PIEZO2: variants seen among roughly 807,000 people sequenced by gnomAD.
The protein encoded by PIEZO2 is piezo type mechanosensitive ion channel component 2, also known as piezo-type mechanosensitive ion channel component 2.
In PIEZO2, 172 loss-of-function variants were observed where a neutral mutation model predicts 337.3. That is an observed-to-expected ratio of 0.51 (90% CI 0.45 to 0.58). The LOEUF is 0.58. Among genes scored for constraint, PIEZO2 ranks in the 20% least tolerant of loss-of-function variants. The pLI, the probability that PIEZO2 is intolerant of heterozygous loss-of-function variation, is 0.00. For missense variants in PIEZO2, 3,028 were observed against 3,391.3 expected (o/e 0.89, Z 2.66); for synonymous variants, 1,251 against 1,228.5 (o/e 1.02, Z -0.38).
intron 3 of PIEZO2, among the ~76,000 whole-genome samples, chr18:10,970,739 G>A (rs1005917327): frequency 4.6e-5 from 7 of 151,550 alleles, no homozygotes; most frequent in African/African-American, 1.5e-4. Flanking sequence ...AGGAGAAAGA[G>A]GAAGGAAAGG....
At position 10,783,146 on chromosome 18, in the gene PIEZO2, G is replaced by T. The variant is rs1449334665; in HGVS notation, c.2492+1638C>A. On this transcript the variant is annotated intron_variant, in intron 17 of 55. Coordinates refer to ENST00000674853, the MANE Select transcript of PIEZO2 (RefSeq NM_001378183.1). This position sits in a 1 kb window ranked among gnomAD's most constrained non-coding sequence, Gnocchi z 4.3. The stretch of plus-strand genomic sequence containing the variant: ...GAAATGGCATTTGGAAGAAAAAAAA[G>T]ATTTTTTTTTAAAAAAGATTTCACT... 1.3e-5 allele frequency among the ~76,000 whole-genome samples: 2 copies of T among 151,812 alleles called. No homozygotes were observed. The highest frequency in any genetic ancestry group is 2.9e-5 in the Non-Finnish European group (2 of 67,878).
At chr18:11,082,104 G>C (rs2145989491) in intron 1 of PIEZO2, among the ~76,000 whole-genome samples, 1 of 152,106 alleles carries the variant, frequency 6.6e-6, no homozygotes, top group Non-Finnish European at 1.5e-5. Flanking sequence ...AAAATGGGGA[G>C]GAAAGTTTGA....
intron 2 of PIEZO2, among the ~76,000 whole-genome samples, chr18:11,060,140 C>T (rs1488771041): frequency 2.0e-5 from 3 of 152,168 alleles, no homozygotes; most frequent in African/African-American, 7.2e-5. Context: ...AACTGAACAA[C>T]CTGCTCCTGA....
Position 10,929,963 on chromosome 18 carries a change from G to T in PIEZO2, c.287-18735C>A, listed in dbSNP as rs914755927. ...CTCATTATACCCTCTTTCCTTTGGA[G>T]TTGAGGCACCACGGACCAGCATTAA... On this transcript the variant is annotated intron_variant, in intron 3 of 55. Coordinates refer to ENST00000674853, the MANE Select transcript of PIEZO2 (RefSeq NM_001378183.1). This position sits in a 1 kb window ranked among gnomAD's most constrained non-coding sequence, Gnocchi z 5.6. 2.0e-5 allele frequency among the ~76,000 whole-genome samples: 3 copies of T among 152,172 alleles called. No homozygotes were observed. Among genetic ancestry groups the T allele is most frequent in the Non-Finnish European group, 4.4e-5 (3 of 68,038 alleles).
chr18:10,829,448 G>A lies in PIEZO2; in HGVS notation c.918-22174C>T, dbSNP rs147843381. ...ATTCAAGATGGTACTGGAAGTCCCAGCTAGCTAATCAGATAAGAGGAAGAA... is the reference window on the plus strand; with the variant it reads ...ATTCAAGATGGTACTGGAAGTCCCAACTAGCTAATCAGATAAGAGGAAGAA... On this transcript the variant is annotated intron_variant, in intron 7 of 55. Coordinates refer to ENST00000674853, the MANE Select transcript of PIEZO2 (RefSeq NM_001378183.1). Among the ~76,000 whole-genome samples, 153 of 152,242 alleles carry A rather than the reference G, an allele frequency of 1.0e-3. 1 individual carries two copies. The East Asian group carries it at 0.023, about 23-fold the overall frequency.
rs2040925398 is a variant in PIEZO2, at chr18:10,833,829, G to T, written c.917+21524C>A. 6.6e-6 allele frequency among the ~76,000 whole-genome samples: 1 copy of T among 152,220 alleles called. No individual in the cohort carries two copies. The highest frequency in any genetic ancestry group is 6.5e-5 in the Admixed American group (1 of 15,284). Reference sequence around the variant, plus strand: ...CTTTGTTTAAAAAACGCATTAGGCTGCCCTTTCCCTGAAGCCAAGGTTGCC... The same window carrying T: ...CTTTGTTTAAAAAACGCATTAGGCTTCCCTTTCCCTGAAGCCAAGGTTGCC... On this transcript the variant is annotated intron_variant, in intron 7 of 55. Transcript: ENST00000674853. The surrounding 1 kb of genome is among the most constrained non-coding windows in gnomAD (Gnocchi z 4.7).
intron 2 of PIEZO2, among the ~76,000 whole-genome samples, chr18:10,998,513 A>G (rs2035415629): frequency 1.3e-5 from 2 of 152,110 alleles, no homozygotes; most frequent in African/African-American, 4.8e-5. Context: ...TTAACTAGGC[A>G]CCTTCATTTA....
chr18:11,001,930 G>GAAGGAAGT lies in PIEZO2; in HGVS notation c.161-22271_161-22270insACTTCCTT, dbSNP rs1555691373. On this transcript the variant is annotated intron_variant, in intron 2 of 55. Transcript: ENST00000674853. The surrounding 1 kb of genome is among the most constrained non-coding windows in gnomAD (Gnocchi z 5.3). ...AGAAGGAAGGAAGGAAGGAAGGAAG[G>GAAGGAAGT]AAGGAAGGAAGGAAGGAAGAAAAAA... Among the ~76,000 whole-genome samples the GAAGGAAGT allele has an allele frequency of 1.3e-5, 2 of 149,586 alleles. No homozygotes were observed. The highest frequency in any genetic ancestry group is 3.0e-5 in the Non-Finnish European group (2 of 67,444).
intron 1 of PIEZO2, among the ~76,000 whole-genome samples, chr18:11,076,180 T>C (rs1568353004): frequency 6.6e-6 from 1 of 152,248 alleles, no homozygotes. Context: ...CTGACAATGC[T>C]GCAGTGTGTC....
Position 10,856,980 on chromosome 18 carries a change from G to A in PIEZO2, c.703+21C>T, listed in dbSNP as rs1338341922. On this transcript the variant is annotated intron_variant, in intron 6 of 55. Transcript: ENST00000674853. This position sits in a 1 kb window ranked among gnomAD's most constrained non-coding sequence, Gnocchi z 4.7. ...CTGCTTGTGCCTTTTGCTACGTGCA[G>A]CCAGTGTGGGAGACACTCACCCGAG... 3 of 1,534,528 alleles carry A rather than the reference G, an allele frequency of 2.0e-6. No homozygotes were observed. In the Admixed American group the frequency reaches 5.9e-5, roughly 30 times the overall value.
intron 36 of PIEZO2, among the ~76,000 whole-genome samples, chr18:10,722,074 T>C (rs7234636): frequency 0.25 from 36,859 of 149,084 alleles, 4,675 homozygotes; most frequent in African/African-American, 0.3. Context: ...TTGCTTGAAC[T>C]CGGGAGACGG....
intron 28 of PIEZO2, among the ~76,000 whole-genome samples, chr18:10,752,393 T>C (rs1949954799): frequency 2.6e-5 from 4 of 152,242 alleles, no homozygotes; most frequent in Admixed American, 2.6e-4. Flanking sequence ...TTTTAGAATT[T>C]ATTCCTATGA....
intron 26 of PIEZO2, among the ~76,000 whole-genome samples, chr18:10,758,663 A>G (rs2037989967): frequency 6.6e-6 from 1 of 152,166 alleles, no homozygotes; most frequent in South Asian, 2.1e-4. Flanking sequence ...CAATTTCCCC[A>G]TCTTTATCTT....
At position 11,139,092 on chromosome 18, in the gene PIEZO2, T is replaced by C. The variant is rs116483237; in HGVS notation, c.64+9433A>G. ...GCTATTCATAAAAGCAACTATTTAT[T>C]GAGTATTTACCGTATGTCGGGCACT... is the stretch of plus-strand genomic sequence containing the variant. On this transcript the variant is annotated intron_variant, in intron 1 of 55. Coordinates refer to ENST00000674853, the MANE Select transcript of PIEZO2 (RefSeq NM_001378183.1). 3.1e-3 allele frequency among the ~76,000 whole-genome samples: 479 copies of C among 152,354 alleles called. 1 individual carries two copies. The highest frequency in any genetic ancestry group is 0.011 in the African/African-American group (450 of 41,578).
intron 20 of PIEZO2, among the ~76,000 whole-genome samples, chr18:10,771,626 G>A (rs78120751): frequency 0.028 from 4,269 of 152,310 alleles, 200 homozygotes; most frequent in African/African-American, 0.097. Flanking sequence ...TTATTGTGAA[G>A]TATGCTTACA....
At position 10,988,872 on chromosome 18, in the gene PIEZO2, A is replaced by G. The variant is rs1262529573; in HGVS notation, c.161-9212T>C. On this transcript the variant is annotated intron_variant, in intron 2 of 55. Coordinates refer to ENST00000674853, the MANE Select transcript of PIEZO2 (RefSeq NM_001378183.1). The surrounding 1 kb of genome is among the most constrained non-coding windows in gnomAD (Gnocchi z 4.8). ...ATGATCTCATGTATATGTGGAATCT[A>G]AAATAGCCTAACTTGTAGAAGCAGA... is the stretch of plus-strand genomic sequence containing the variant. Among the ~76,000 whole-genome samples, 1 of 152,176 alleles carries G rather than the reference A, an allele frequency of 6.6e-6. No homozygotes were observed. Among genetic ancestry groups the G allele is most frequent in the Non-Finnish European group, 1.5e-5 (1 of 68,032 alleles).
chr18:10,812,896 A>G (rs16975397), intron 7 of PIEZO2, among the ~76,000 whole-genome samples: 16,990 of 152,198 alleles, frequency 0.11, 1,136 homozygotes, highest in East Asian at 0.2. Context: ...GCCATTGGCA[A>G]GAAATACGTA....
rs1164879169 is a variant in PIEZO2, at chr18:10,762,422, T to TA, written c.3249+77dup. ...ATATGGTTACTATCAAATGTGATGT[T>TA]AAGCGTCTCATGGAAAAGAATCCTG... On this transcript the variant is annotated intron_variant, in intron 23 of 55. Coordinates refer to ENST00000674853, the MANE Select transcript of PIEZO2 (RefSeq NM_001378183.1). The TA allele has an allele frequency of 2.0e-6, 3 of 1,472,200 alleles. No homozygotes were observed. The East Asian group carries it at 7.4e-5, about 36-fold the overall frequency. The allele number at this position is 1,472,200 out of a possible 1,614,324, so 91.2% of individuals were successfully genotyped here.
chr18:11,139,917 C>T (rs1568409251), intron 1 of PIEZO2, among the ~76,000 whole-genome samples: 2 of 152,170 alleles, frequency 1.3e-5, no homozygotes, highest in African/African-American at 4.8e-5. Context: ...TCTAGGGACA[C>T]CATGACCACC....
Sources: allele counts gnomAD v4.1 joint callset (sites outside exome capture counted in the v4.1 genomes callset), GRCh38; gene constraint gnomAD v4.1.1; non-coding constraint Gnocchi (gnomAD v3.1); transcripts MANE v1.5; gene names NCBI Gene and HGNC (gene_info 2026-07-23, HGNC 2026-07-21).